Variants in ASCC3 observed in about 807,000 individuals in gnomAD.
The protein encoded by ASCC3 is ASC-1 complex subunit P200.
ASCC3 carries 158 observed loss-of-function variants against 256.3 expected under a neutral mutation model. The observed-to-expected ratio is 0.62, with a 90% CI of 0.54 to 0.70. The LOEUF is 0.70. Among genes scored for constraint, ASCC3 ranks in the 30% least tolerant of loss-of-function variants. ASCC3 has a pLI of 0.00. For synonymous variants in ASCC3, 948 were observed against 883.4 expected (o/e 1.07, Z -1.30); for missense variants, 2,259 against 2,626.0 (o/e 0.86, Z 3.05).
rs530504984 is a variant in ASCC3 at position 100,741,457 on chromosome 6, A to G, written c.1738-15754T>C. ...TTTTAGGTTGGGGAAGTTCTCCTGG[A>G]TGATATCCTGAAGTATGTTTTCCAA... On this transcript the variant is annotated intron_variant, in intron 10 of 41. Transcript: ENST00000369162. Among the ~76,000 whole-genome samples, 6 of 152,206 alleles carry G rather than the reference A, an allele frequency of 3.9e-5. No homozygotes were observed. The South Asian group carries it at 1.2e-3, about 32-fold the overall frequency.
chr6:100,851,110 T>C (rs1295897816), intron 3 of ASCC3, among the ~76,000 whole-genome samples: 1 of 152,128 alleles, frequency 6.6e-6, no homozygotes, highest in African/African-American at 2.4e-5. Flanking sequence ...TTTATAGATG[T>C]TAAATGGAAA....
intron 36 of ASCC3, among the ~76,000 whole-genome samples, chr6:100,588,841 G>A (rs1245374057): frequency 6.6e-6 from 1 of 152,086 alleles, no homozygotes; most frequent in African/African-American, 2.4e-5. Flanking sequence ...CTACCATAGA[G>A]TCAATGAATT....
At chr6:100,831,225 C>A (rs1205093788) in intron 4 of ASCC3, among the ~76,000 whole-genome samples, 1 of 150,896 alleles carries the variant, frequency 6.6e-6, no homozygotes, top group Non-Finnish European at 1.5e-5. Context: ...CCCTTTTATG[C>A]TTGAGAGAAA....
rs11358403 is a variant in ASCC3, at chr6:100,870,363, CAA to C, written c.-41-2327_-41-2326del. Among the ~76,000 whole-genome samples, 252 of 141,114 alleles carry C rather than the reference CAA, an allele frequency of 1.8e-3. 1 individual carries two copies. The highest frequency in any genetic ancestry group is 7.2e-3 in the Middle Eastern group (2 of 276). The allele number at this position is 141,114 out of a possible 152,430, so 92.6% of individuals were successfully genotyped here. A position where few individuals can be genotyped will look rare whatever the true frequency, so the allele number is the denominator to read the frequency against. ...AGGGTGACAGAGTGAGAGTCCGTCTCAAAAAAAAAAAAAAATTAGGTTTGGCA... is the reference window on the plus strand; with the variant it reads ...AGGGTGACAGAGTGAGAGTCCGTCTCAAAAAAAAAAAAATTAGGTTTGGCA... On this transcript the variant is annotated intron_variant, in intron 1 of 41. Coordinates refer to ENST00000369162, the MANE Select transcript of ASCC3 (RefSeq NM_006828.4).
At chr6:100,703,563 ACAATGTC>A (rs1184827749) in intron 13 of ASCC3, among the ~76,000 whole-genome samples, 2 of 152,000 alleles carry the variant, frequency 1.3e-5, no homozygotes, top group Non-Finnish European at 2.9e-5. Flanking sequence ...CTTTTGAATT[ACAATGTC>A]CAATTTTTAA....
intron 10 of ASCC3, among the ~76,000 whole-genome samples, chr6:100,745,068 C>A (rs1780599905): frequency 1.3e-5 from 2 of 152,326 alleles, no homozygotes; most frequent in South Asian, 4.1e-4. Context: ...GGGGCTCACG[C>A]CTGTAATCCC....
intron 10 of ASCC3, among the ~76,000 whole-genome samples, chr6:100,727,056 C>T (rs1024802289): frequency 1.3e-5 from 2 of 152,038 alleles, no homozygotes; most frequent in African/African-American, 4.8e-5. Context: ...AGAACCAATT[C>T]ATCTTAAACG....
At chr6:100,818,965 A>G (rs1166787237) in intron 4 of ASCC3, among the ~76,000 whole-genome samples, 1 of 152,152 alleles carries the variant, frequency 6.6e-6, no homozygotes, top group Non-Finnish European at 1.5e-5. Flanking sequence ...GCACATATAC[A>G]CCATGGAATA....
intron 14 of ASCC3, among the ~76,000 whole-genome samples, chr6:100,669,152 C>G (rs1472396212): frequency 6.7e-6 from 1 of 150,180 alleles, no homozygotes; most frequent in East Asian, 1.9e-4. Context: ...AAAAGTATTT[C>G]TTTTATGAAA....
At chr6:100,531,080 T>TA in intron 37 of ASCC3, 2 of 1,311,012 alleles carry the variant, frequency 1.5e-6, no homozygotes, top group South Asian at 2.4e-5. Context: ...AGAACGTACA[T>TA]AGTCTGTACA....
At chr6:100,776,107 T>G (rs1216411576) in intron 8 of ASCC3, among the ~76,000 whole-genome samples, 2 of 152,150 alleles carry the variant, frequency 1.3e-5, no homozygotes, top group Non-Finnish European at 2.9e-5. Flanking sequence ...TTATATTTCC[T>G]GCACACACAA....
intron 30 of ASCC3, among the ~76,000 whole-genome samples, chr6:100,614,044 T>A (rs1773539758): frequency 6.6e-6 from 1 of 152,114 alleles, no homozygotes; most frequent in African/African-American, 2.4e-5. Context: ...ATATTAAAGA[T>A]TTTTTCTTAT....
intron 10 of ASCC3, among the ~76,000 whole-genome samples, chr6:100,754,337 T>A (rs976307682): frequency 6.6e-6 from 1 of 152,186 alleles, no homozygotes; most frequent in African/African-American, 2.4e-5. Flanking sequence ...TGATTTCTTT[T>A]AATTTTTAAT....
rs183937441 is a variant in ASCC3, at chr6:100,553,580, T to C, written c.5551-13193A>G. Among the ~76,000 whole-genome samples the C allele has an allele frequency of 8.3e-4, 126 of 152,240 alleles. 1 individual carries two copies. The highest frequency in any genetic ancestry group is 4.4e-5 in the Non-Finnish European group (3 of 67,984). ...ACTACTAACTGCAAATCTGTGTCTC[T>C]GATTTGCCCAGCTGTCCTTGAATAA... is the stretch of plus-strand genomic sequence containing the variant. On this transcript the variant is annotated intron_variant, in intron 36 of 41. Transcript: ENST00000369162.
At chr6:100,767,837 C>T (rs1781733855) in intron 8 of ASCC3, among the ~76,000 whole-genome samples, 1 of 151,270 alleles carries the variant, frequency 6.6e-6, no homozygotes, top group Non-Finnish European at 1.5e-5. Context: ...AGGATGGTCT[C>T]GATCTCCTGA....
chr6:100,607,203 T>C, intron 30 of ASCC3, 115 bp from the exon 31 acceptor site: 2 of 1,042,398 alleles, frequency 1.9e-6, no homozygotes, highest in Non-Finnish European at 2.9e-6. Context: ...GGACATAAAA[T>C]ATAAGTCCTA....
chr6:100,718,738 A>G (rs1779195225), intron 11 of ASCC3, among the ~76,000 whole-genome samples: 2 of 152,146 alleles, frequency 1.3e-5, no homozygotes, highest in Non-Finnish European at 2.9e-5. Flanking sequence ...ACTCTGTTTC[A>G]AAAATAAATA....
intron 8 of ASCC3, among the ~76,000 whole-genome samples, chr6:100,779,274 T>C (rs570915986): frequency 5.9e-5 from 9 of 152,290 alleles, no homozygotes; most frequent in Admixed American, 5.9e-4. Context: ...TATTTTATTT[T>C]TTGAGATGGA....
intron 26 of ASCC3, 92 bp downstream of exon 26, chr6:100,631,036 T>C (rs945729575): frequency 4.4e-6 from 4 of 905,118 alleles, no homozygotes; most frequent in Non-Finnish European, 7.1e-6. Context: ...TGAAAATCAC[T>C]GTAAAACCAT....
Sources: allele counts gnomAD v4.1 joint callset (sites outside exome capture counted in the v4.1 genomes callset), GRCh38; gene constraint gnomAD v4.1.1; transcripts MANE v1.5; gene names NCBI Gene and HGNC (gene_info 2026-07-23, HGNC 2026-07-21).